ZNF623: variants seen among roughly 807,000 people sequenced by gnomAD.
ZNF623 encodes the protein zinc finger protein 623.
Under a neutral mutation model 24.0 loss-of-function variants are expected in ZNF623, and 16 were observed. That is an observed-to-expected ratio of 0.67 (90% CI 0.45 to 1.01). The LOEUF (loss-of-function observed/expected upper bound fraction) is 1.01, where lower values mean the gene tolerates loss of function less well. ZNF623 is among the 50% of genes least tolerant of loss of function. ZNF623 has a pLI of 0.00. For synonymous variants in ZNF623, 224 were observed against 219.8 expected, an observed-to-expected ratio of 1.02 and a Z score of -0.17; for missense variants, 566 against 606.5, an observed-to-expected ratio of 0.93 and a Z score of 0.70.
intron 1 of ZNF623, among the ~76,000 whole-genome samples, chr8:143,648,415 C>G (rs1815219858): frequency 6.6e-6 from 1 of 151,944 alleles, no homozygotes; most frequent in Non-Finnish European, 1.5e-5. Context: ...GGTGAGAGCC[C>G]TACTGTAGTA....
rs139360941 is a variant in ZNF623, at chr8:143,649,988, C to T, written c.-5C>T. 1.6e-4 allele frequency: 254 copies of T among 1,614,186 alleles called. No homozygotes were observed. The African/African-American group carries it at 2.5e-3, about 16-fold the overall frequency. On this transcript the variant is annotated 5_prime_UTR_variant, in exon 2 of 2. In the 5' UTR this introduces an upstream ATG that the reference lacks. Coordinates refer to ENST00000526926, the MANE Select transcript of ZNF623 (RefSeq NM_001261843.2). ...CATAGGACGACGTCAGACAGACTCA[C>T]GGTGATGGAGCTCCCCTCTCCCGAG... is the stretch of plus-strand genomic sequence containing the variant.
At chr8:143,639,700 G>C (rs1287350698) in intron 1 of ZNF623, among the ~76,000 whole-genome samples, 1 of 152,182 alleles carries the variant, frequency 6.6e-6, no homozygotes, top group Non-Finnish European at 1.5e-5. Context: ...TGAATATTTT[G>C]AGTTGTATAT....
Position 143,651,334 on chromosome 8 carries a change from G to C in ZNF623, c.1342G>C (p.Glu448Gln), listed in dbSNP as rs1815311312. 1 of 1,614,218 alleles carries C rather than the reference G, an allele frequency of 6.2e-7. No homozygotes were observed. The highest frequency in any genetic ancestry group is 8.5e-7 in the Non-Finnish European group (1 of 1,180,038). The change falls in exon 2 of 2, where the codon GAA (glutamate) becomes CAA (glutamine). Residue 448 changes from glutamate (E) to glutamine (Q), a missense_variant. This residue lies in a region of ZNF623 where 136 missense variants were observed against 131.9 expected (regional missense o/e 1.03). Coordinates refer to ENST00000526926, the MANE Select transcript of ZNF623 (RefSeq NM_001261843.2). ...AATTCATACTGAAGAGAAGCTCTAT[G>C]AATGTAGTCAGTATGGGAGAGATTT... ...QKIHTEEKLY[E>Q]CSQYGRDFNS...
intron 1 of ZNF623, among the ~76,000 whole-genome samples, chr8:143,636,769 G>A (rs1419112182): frequency 6.6e-6 from 1 of 152,204 alleles, no homozygotes. Context: ...GTGTGGCTAC[G>A]CTGTCCTGCT....
intron 1 of ZNF623, among the ~76,000 whole-genome samples, chr8:143,649,134 C>T (rs1019327655): frequency 4.0e-5 from 6 of 151,862 alleles, no homozygotes; most frequent in African/African-American, 9.7e-5. Context: ...AAAAATTAGC[C>T]GGGCGTGGTG....
chr8:143,641,296 A>C (rs1193501850), intron 1 of ZNF623, among the ~76,000 whole-genome samples: 1 of 152,242 alleles, frequency 6.6e-6, no homozygotes, highest in African/African-American at 2.4e-5. Context: ...CTTGTGAAAC[A>C]TATTTCTTAA....
At position 143,642,001 on chromosome 8, in the gene ZNF623, C is replaced by G. The variant is rs148233701; in HGVS notation, c.-96+5856C>G. Among the ~76,000 whole-genome samples, 261 of 152,328 alleles carry G rather than the reference C, an allele frequency of 1.7e-3. 1 individual carries two copies. The highest frequency in any genetic ancestry group is 6.0e-3 in the African/African-American group (248 of 41,572). On this transcript the variant is annotated intron_variant, in intron 1 of 1. Transcript: ENST00000526926. ...GCATTCGCCCCTAACGAGAGTCAGCCTGTCCTTTTCAATCTTTGAAGCCAG... is the reference window on the plus strand; with the variant it reads ...GCATTCGCCCCTAACGAGAGTCAGCGTGTCCTTTTCAATCTTTGAAGCCAG...
intron 1 of ZNF623, among the ~76,000 whole-genome samples, chr8:143,643,489 G>A (rs1359593328): frequency 1.3e-5 from 2 of 152,234 alleles, no homozygotes; most frequent in Admixed American, 1.3e-4. Context: ...AGTTCCCAGA[G>A]TGAGGATTCC....
In ZNF623 at chr8:143,653,314, C is replaced by G. The variant is rs974899808; in HGVS notation, c.*1831C>G. On this transcript the variant is annotated 3_prime_UTR_variant, in exon 2 of 2. Coordinates refer to ENST00000526926, the MANE Select transcript of ZNF623 (RefSeq NM_001261843.2). ...TTTGAGTTCTTAAATACTACCAACC[C>G]TGAACGTCTCAGGACAAATAATTCA... is the stretch of plus-strand genomic sequence containing the variant. 1 of 167,046 alleles carries G rather than the reference C, an allele frequency of 6.0e-6. No individual in the cohort carries two copies. The highest frequency in any genetic ancestry group is 2.4e-5 in the African/African-American group (1 of 41,424). The allele number at this position is 167,046 out of a possible 1,614,324, so 10.3% of individuals were successfully genotyped here. A position where few individuals can be genotyped will look rare whatever the true frequency, so the allele number is the denominator to read the frequency against.
At chr8:143,638,613 C>A (rs1328141242) in intron 1 of ZNF623, among the ~76,000 whole-genome samples, 3 of 151,534 alleles carry the variant, frequency 2.0e-5, no homozygotes, top group Non-Finnish European at 4.4e-5. Flanking sequence ...TGGCAGGCGC[C>A]CATAATCCCA....
intron 1 of ZNF623, among the ~76,000 whole-genome samples, chr8:143,637,655 T>C (rs1814955306): frequency 6.6e-6 from 1 of 152,162 alleles, no homozygotes; most frequent in Non-Finnish European, 1.5e-5. Flanking sequence ...ATTCAAGTGA[T>C]TCTTCTGCCT....
chr8:143,650,484 A>G lies in ZNF623; in HGVS notation c.492A>G (p.Glu164=), dbSNP rs766293687. 3.7e-6 allele frequency: 6 copies of G among 1,614,092 alleles called. No homozygotes were observed. Among genetic ancestry groups the G allele is most frequent in the Non-Finnish European group, 5.1e-6 (6 of 1,180,008 alleles). Residue 164 remains glutamate, a synonymous_variant, in exon 2 of 2, where the codon GAA becomes GAG. Transcript: ENST00000526926. The surrounding 1 kb of genome is among the most constrained non-coding windows in gnomAD (Gnocchi z 5.2). Reference sequence around the variant, plus strand: ...AGCATCAGCGCGTTCATTCAGGAGAAAAGCCCTTCAAATGTGCGCAGTGTG... The same window carrying G: ...AGCATCAGCGCGTTCATTCAGGAGAGAAGCCCTTCAAATGTGCGCAGTGTG... The part of the protein sequence containing the change: ...LIEHQRVHSG[E]KPFKCAQCGK...
At chr8:143,636,533 G>GC (rs1403194627) in intron 1 of ZNF623, 3 of 152,360 alleles carry the variant, frequency 2.0e-5, no homozygotes, top group Non-Finnish European at 4.4e-5. Flanking sequence ...GGTTGATGCC[G>GC]CAGACATGTT....
chr8:143,647,740 C>G (rs534516076), intron 1 of ZNF623, among the ~76,000 whole-genome samples: 6 of 152,262 alleles, frequency 3.9e-5, no homozygotes, highest in African/African-American at 1.4e-4. Flanking sequence ...AAAGTGACAT[C>G]TGATTTATGA....
intron 1 of ZNF623, among the ~76,000 whole-genome samples, chr8:143,645,216 G>T (rs1815146650): frequency 6.6e-6 from 1 of 152,166 alleles, no homozygotes; most frequent in East Asian, 1.9e-4. Context: ...GGCCAAGGCG[G>T]GCGGATCACA....
chr8:143,639,122 C>T (rs1814990602), intron 1 of ZNF623, among the ~76,000 whole-genome samples: 1 of 152,036 alleles, frequency 6.6e-6, no homozygotes, highest in African/African-American at 2.4e-5. Flanking sequence ...GAACTCCTGA[C>T]CTCAGGTGAT....
In ZNF623 at chr8:143,636,084, G is replaced by C. The variant is rs1540558; in HGVS notation, c.-157G>C. The C allele has an allele frequency of 0.51, 77,218 of 152,084 alleles. 22,174 individuals carry two copies. The highest frequency in any genetic ancestry group is 0.66 in the Non-Finnish European group (44,911 of 67,940). The allele number at this position is 152,084 out of a possible 1,614,324, so 9.4% of individuals were successfully genotyped here. A position where few individuals can be genotyped will look rare whatever the true frequency, so the allele number is the denominator to read the frequency against. The stretch of plus-strand genomic sequence containing the variant: ...TCGGCTGATCTGTGGGGCCCGCGCC[G>C]GCGGGGTCCAGTCAGCGGCTGCAGG... On this transcript the variant is annotated 5_prime_UTR_variant, in exon 1 of 2. Coordinates refer to ENST00000526926, the MANE Select transcript of ZNF623 (RefSeq NM_001261843.2).
chr8:143,650,284 C>T lies in ZNF623; in HGVS notation c.292C>T (p.Leu98=). ...CAAAACCTTCACGTTTAATTCGGAC[C>T]TAGTTAGGCATCGGATTTCGCATGC... is the stretch of plus-strand genomic sequence containing the variant. The part of the protein sequence containing the change: ...CGKTFTFNSD[L]VRHRISHAGE... The change falls in exon 2 of 2, where the codon CTA becomes TTA. Residue 98 remains leucine (L), a synonymous_variant. Transcript: ENST00000526926. The surrounding 1 kb of genome is among the most constrained non-coding windows in gnomAD (Gnocchi z 5.2). 6.2e-7 allele frequency: 1 copy of T among 1,614,222 alleles called. No individual in the cohort carries two copies. The highest frequency in any genetic ancestry group is 8.5e-7 in the Non-Finnish European group (1 of 1,180,034).
intron 1 of ZNF623, among the ~76,000 whole-genome samples, chr8:143,643,536 G>T (rs1815106156): frequency 6.6e-6 from 1 of 152,218 alleles, no homozygotes; most frequent in Admixed American, 6.5e-5. Flanking sequence ...CCACAGCGGG[G>T]TTGGATAGAG....
Sources: gnomAD v4.1 joint callset for allele counts (sites outside exome capture counted in the v4.1 genomes callset) on GRCh38, gnomAD v4.1.1 for gene constraint, gnomAD v4.1.1 regional missense constraint, Gnocchi (gnomAD v3.1) non-coding constraint, MANE v1.5 for transcripts, NCBI Gene and HGNC (gene_info 2026-07-23, HGNC 2026-07-21) for gene names.